Variants in ADGRG5 observed in about 807,000 individuals in gnomAD.
The protein encoded by ADGRG5 is G protein-coupled receptor 114.
Under a neutral mutation model 53.2 loss-of-function variants are expected in ADGRG5, and 37 were observed. The observed-to-expected ratio is 0.70, with a 90% CI of 0.53 to 0.91. ADGRG5 has a LOEUF of 0.91. ADGRG5 is among the 40% of genes least tolerant of loss of function. ADGRG5 has a pLI of 0.00. For synonymous variants in ADGRG5, 277 were observed against 290.4 expected (o/e 0.95, Z 0.47); for missense variants, 614 against 675.8 (o/e 0.91, Z 1.01).
upstream of ADGRG5, among the ~76,000 whole-genome samples, chr16:57,539,167 A>G (rs1168950565): frequency 6.6e-6 from 1 of 152,212 alleles, no homozygotes; most frequent in Non-Finnish European, 1.5e-5. Context: ...AGAGTCTGAC[A>G]CACTACAACA....
In ADGRG5 at chr16:57,575,784, T is replaced by C; in HGVS notation, c.*246T>C. 2.0e-6 allele frequency: 1 copy of C among 489,886 alleles called. No individual in the cohort carries two copies. The highest frequency in any genetic ancestry group is 3.7e-6 in the Non-Finnish European group (1 of 268,328). The allele number at this position is 489,886 out of a possible 1,614,324, so 30.3% of individuals were successfully genotyped here. A position where few individuals can be genotyped will look rare whatever the true frequency, so the allele number is the denominator to read the frequency against. ...GGGCAGCAAACTTTGTCCTGGTACC[T>C]GGGCCCAGCTCGCCAGGGATGTGGG... On this transcript the variant is annotated 3_prime_UTR_variant, in exon 12 of 12. Transcript: ENST00000349457.
At chr16:57,548,128 C>T (rs2032662631) in intron 1 of ADGRG5, among the ~76,000 whole-genome samples, 1 of 150,970 alleles carries the variant, frequency 6.6e-6, no homozygotes, top group Admixed American at 6.6e-5. Flanking sequence ...ATTCTCCTGC[C>T]TTAGTTTAGG....
chr16:57,575,369 C>T, intron 11 of ADGRG5, 69 bp from the exon 12 acceptor site: 1 of 1,440,962 alleles, frequency 6.9e-7, no homozygotes, highest in Non-Finnish European at 9.7e-7. Flanking sequence ...CAGCTCGCTG[C>T]AGCCAAGGAG....
At chr16:57,562,277 C>A in intron 2 of ADGRG5, 107 bp from the exon 3 acceptor site, 1 of 1,400,448 alleles carries the variant, frequency 7.1e-7, no homozygotes, top group South Asian at 1.2e-5. Flanking sequence ...CTGGGGGCAG[C>A]AGGAGCTGCT....
At chr16:57,533,118 G>C in the ADGRG5 span, among the ~76,000 whole-genome samples, 1 of 152,196 alleles carries the variant, frequency 6.6e-6, no homozygotes, top group Non-Finnish European at 1.5e-5. Context: ...TAAAGGCAGA[G>C]ATGGGGGCTC....
the ADGRG5 span, among the ~76,000 whole-genome samples, chr16:57,536,253 C>G: frequency 6.6e-6 from 1 of 151,982 alleles, no homozygotes; most frequent in Non-Finnish European, 1.5e-5. Flanking sequence ...GGAGGCGCCT[C>G]CCCTCCCCCA....
At chr16:57,543,428 A>G (rs1160384964) in intron 1 of ADGRG5, among the ~76,000 whole-genome samples, 4 of 151,826 alleles carry the variant, frequency 2.6e-5, no homozygotes, top group Non-Finnish European at 4.4e-5. Context: ...GATTACAGGC[A>G]CCAGCCAGCA....
intron 9 of ADGRG5, among the ~76,000 whole-genome samples, chr16:57,568,353 C>A (rs2033205887): frequency 6.6e-6 from 1 of 151,958 alleles, no homozygotes; most frequent in African/African-American, 2.4e-5. Context: ...TCACCTCCTC[C>A]ACCTTCATTA....
intron 9 of ADGRG5, 39 bp from the exon 10 acceptor site, chr16:57,570,379 C>G (rs1199035134): frequency 7.2e-7 from 1 of 1,391,658 alleles, no homozygotes; most frequent in South Asian, 1.2e-5. Flanking sequence ...GAGGGTCAGC[C>G]CTCTCCCACA....
At chr16:57,555,066 G>T (rs1194014692) in intron 1 of ADGRG5, among the ~76,000 whole-genome samples, 2 of 151,986 alleles carry the variant, frequency 1.3e-5, no homozygotes, top group Non-Finnish European at 2.9e-5. Flanking sequence ...TATATTTATT[G>T]AGATTTATTT....
rs753057839 is a variant in ADGRG5, at chr16:57,575,001, G to A, written c.1395G>A (p.Leu465=). ...DTVTVLGLTV[L]LGTTWALAFF... is the part of the protein sequence containing the mutation. ...TCACTGTGCTGGGCCTCACCGTGCT[G>A]CTGGGAACCACCTGGGCCTTGGCCT... The change falls in exon 11 of 12, where the codon CTG becomes CTA. Residue 465 remains leucine, a synonymous_variant. Transcript: ENST00000349457. The A allele has an allele frequency of 6.2e-7, 1 of 1,613,994 alleles. No individual in the cohort carries two copies. The highest frequency in any genetic ancestry group is 8.5e-7 in the Non-Finnish European group (1 of 1,180,002).
chr16:57,567,888 T>A lies in ADGRG5; in HGVS notation c.854T>A (p.Met285Lys). 6.2e-7 allele frequency: 1 copy of A among 1,612,686 alleles called. No homozygotes were observed. Among genetic ancestry groups the A allele is most frequent in the Non-Finnish European group, 8.5e-7 (1 of 1,179,854 alleles). ...AGTGACTCCTTAACACGCATCCACA[T>A]GAACCTGCATGCCTCCGTGCTGCTC... ...KQSDSLTRIHMNLHASVLLLN... is the reference protein window; with the variant it reads ...KQSDSLTRIHKNLHASVLLLN... The change falls in exon 9 of 12, where the codon ATG (methionine) becomes AAG (lysine). Residue 285 changes from methionine (M) to lysine (K), a missense_variant. Coordinates refer to ENST00000349457, the MANE Select transcript of ADGRG5 (RefSeq NM_001304376.3).
At chr16:57,569,608 T>A (rs2033281491) in intron 9 of ADGRG5, among the ~76,000 whole-genome samples, 1 of 147,258 alleles carries the variant, frequency 6.8e-6, no homozygotes, top group African/African-American at 2.5e-5. Context: ...CTCCTCCACC[T>A]CTATCATCGC....
At chr16:57,538,342 C>T (rs570254414), upstream of ADGRG5, among the ~76,000 whole-genome samples, 5 of 152,276 alleles carry the variant, frequency 3.3e-5, no homozygotes, top group African/African-American at 1.2e-4. Context: ...CGGCGGCTCA[C>T]ACTTGTAATC....
intron 1 of ADGRG5, among the ~76,000 whole-genome samples, chr16:57,558,072 C>T (rs747152807): frequency 1.1e-4 from 17 of 152,180 alleles, no homozygotes; most frequent in Non-Finnish European, 2.1e-4. Flanking sequence ...TTTCTTATGT[C>T]GTGGCTGTAG....
chr16:57,567,853 C>T lies in ADGRG5; in HGVS notation c.822-3C>T, dbSNP rs1470241985. 1.9e-6 allele frequency: 3 copies of T among 1,606,116 alleles called. No individual in the cohort carries two copies. Among genetic ancestry groups the T allele is most frequent in the African/African-American group, 2.7e-5 (2 of 74,864 alleles). The stretch of plus-strand genomic sequence containing the variant: ...CCATGGAGGACCATTCTCTCACCTG[C>T]AGGAAGCAGAGTGACTCCTTAACAC... On this transcript the variant is annotated splice_polypyrimidine_tract_variant and splice_region_variant and intron_variant, in intron 8 of 11. Transcript: ENST00000349457.
At chr16:57,551,631 A>G (rs1303794429) in intron 1 of ADGRG5, among the ~76,000 whole-genome samples, 6 of 152,198 alleles carry the variant, frequency 3.9e-5, no homozygotes, top group African/African-American at 1.4e-4. Context: ...CACATCTGTA[A>G]TTACTTTCCC....
intron 9 of ADGRG5, 63 bp downstream of exon 9, chr16:57,568,187 T>C: frequency 6.5e-7 from 1 of 1,539,634 alleles, no homozygotes; most frequent in Non-Finnish European, 8.9e-7. Context: ...TGATCCCCTT[T>C]AGTCCTTTCT....
chr16:57,558,832 G>C (rs760477099), intron 1 of ADGRG5, among the ~76,000 whole-genome samples: 15 of 148,764 alleles, frequency 1.0e-4, no homozygotes, highest in Non-Finnish European at 1.6e-4. Flanking sequence ...CCAGTGTCCA[G>C]TGGCTTTTTT....
Sources: gnomAD v4.1 joint callset for allele counts (sites outside exome capture counted in the v4.1 genomes callset) on GRCh38, gnomAD v4.1.1 for gene constraint, MANE v1.5 for transcripts, NCBI Gene and HGNC (gene_info 2026-07-23, HGNC 2026-07-21) for gene names.